The following TMEM51 variants were observed in gnomAD, a reference collection of about 807,000 sequenced individuals.
The protein encoded by TMEM51 is transmembrane protein 51, also known as chromosome 1 open reading frame 72.
TMEM51 carries 8 observed loss-of-function variants against 13.6 expected under a neutral mutation model. The observed-to-expected ratio is 0.59, with a 90% confidence interval of 0.35 to 1.07. TMEM51 has a LOEUF of 1.07. Ranked by LOEUF, TMEM51 falls within the 50% of genes least tolerant of loss-of-function variation. The pLI is 0.02. For synonymous variants in TMEM51, 147 were observed against 144.4 expected (o/e 1.02, Z -0.13); for missense variants, 279 against 330.7 (o/e 0.84, Z 1.21).
intron 1 of TMEM51, among the ~76,000 whole-genome samples, chr1:15,193,890 G>C (rs1643991554): frequency 6.6e-6 from 1 of 152,154 alleles, no homozygotes; most frequent in Non-Finnish European, 1.5e-5. Flanking sequence ...GGAGGTGAAG[G>C]GCATTGCCAG....
chr1:15,154,938 G>C (rs964785653), intron 1 of TMEM51, among the ~76,000 whole-genome samples: 5 of 152,178 alleles, frequency 3.3e-5, no homozygotes, highest in Non-Finnish European at 7.3e-5. Context: ...CGGGAGGTAA[G>C]TCAGCGGGTG....
intron 1 of TMEM51, among the ~76,000 whole-genome samples, chr1:15,201,059 G>A (rs1455727273): frequency 3.3e-5 from 5 of 152,180 alleles, no homozygotes; most frequent in African/African-American, 4.8e-5. Flanking sequence ...GTTTGACTGG[G>A]CACAATTCCT....
intron 1 of TMEM51, among the ~76,000 whole-genome samples, chr1:15,195,380 GA>G (rs926121019): frequency 1.2e-4 from 19 of 152,206 alleles, no homozygotes; most frequent in South Asian, 6.2e-4. Flanking sequence ...ATGTTAGTGA[GA>G]TTTTCTTTTT....
chr1:15,218,856 C>A (rs1424226050), intron 3 of TMEM51, among the ~76,000 whole-genome samples: 1 of 152,134 alleles, frequency 6.6e-6, no homozygotes, highest in Non-Finnish European at 1.5e-5. Flanking sequence ...TTAACCCACC[C>A]CTTAATTTGC....
At chr1:15,173,874 G>T (rs1376842751) in intron 1 of TMEM51, among the ~76,000 whole-genome samples, 2 of 152,156 alleles carry the variant, frequency 1.3e-5, no homozygotes, top group African/African-American at 4.8e-5. Context: ...CTTAGGTTGT[G>T]GTCTGCATGA....
rs1644490272 is a variant in TMEM51 at position 15,219,867 on chromosome 1, G to A, written c.*124G>A. 1 of 1,104,678 alleles carries A rather than the reference G, an allele frequency of 9.1e-7. No individual in the cohort carries two copies. Among genetic ancestry groups the A allele is most frequent in the Non-Finnish European group, 1.3e-6 (1 of 788,430 alleles). 68.4% of individuals were successfully genotyped at this position (1,104,678 alleles called of 1,614,324 possible). ...CAGCTGTGCATGGAGCCATTTGGAT[G>A]GCGGCGGGCGGGGGGGGATTCTCTG... On this transcript the variant is annotated 3_prime_UTR_variant, in exon 4 of 4. Transcript: ENST00000376008.
chr1:15,156,025 G>C (rs565620279), intron 1 of TMEM51, among the ~76,000 whole-genome samples: 1 of 152,268 alleles, frequency 6.6e-6, no homozygotes, highest in African/African-American at 2.4e-5. Context: ...GGGGGAGCTG[G>C]AGGAGAGGCC....
chr1:15,173,251 G>A (rs148468985), intron 1 of TMEM51, among the ~76,000 whole-genome samples: 7 of 117,228 alleles, frequency 6.0e-5, no homozygotes, highest in South Asian at 2.6e-4. Flanking sequence ...ACGGAGTTTC[G>A]CTCTTTTGCC....
intron 1 of TMEM51, among the ~76,000 whole-genome samples, chr1:15,197,134 C>T (rs762128024): frequency 2.6e-5 from 4 of 152,218 alleles, no homozygotes; most frequent in Non-Finnish European, 4.4e-5. Flanking sequence ...TCTTTCTCAG[C>T]AATTCCAGGG....
At chr1:15,218,904 G>A (rs185437699) in intron 3 of TMEM51, among the ~76,000 whole-genome samples, 1 of 152,134 alleles carries the variant, frequency 6.6e-6, no homozygotes, top group Non-Finnish European at 1.5e-5. Flanking sequence ...ATTTCCAAGA[G>A]CCCCTATGTG....
At chr1:15,164,316 T>G (rs1422261960) in intron 1 of TMEM51, 1 of 456,034 alleles carries the variant, frequency 2.2e-6, no homozygotes, top group Admixed American at 2.3e-5. Flanking sequence ...TTCTGAACTG[T>G]GACACTTTCT....
At chr1:15,178,268 T>C (rs1038405213) in intron 1 of TMEM51, among the ~76,000 whole-genome samples, 7 of 151,704 alleles carry the variant, frequency 4.6e-5, no homozygotes, top group Non-Finnish European at 8.8e-5. Flanking sequence ...CGGTTGCCCA[T>C]GGTGGCTCTT....
chr1:15,154,898 G>C (rs1642535548), intron 1 of TMEM51, among the ~76,000 whole-genome samples: 1 of 152,086 alleles, frequency 6.6e-6, no homozygotes, highest in African/African-American at 2.4e-5. Flanking sequence ...GGGTGGGCGG[G>C]GACGAGGTGG....
intron 1 of TMEM51, among the ~76,000 whole-genome samples, chr1:15,209,903 C>T (rs981945347): frequency 8.6e-5 from 13 of 151,940 alleles, no homozygotes; most frequent in African/African-American, 1.9e-4. Context: ...TGGGGGTGTG[C>T]GCCTGTAGTC....
chr1:15,157,395 A>T (rs1033377334), intron 1 of TMEM51, among the ~76,000 whole-genome samples: 4 of 152,214 alleles, frequency 2.6e-5, no homozygotes, highest in Admixed American at 2.0e-4. Flanking sequence ...GATCTTAGCC[A>T]TCAGAAAATC....
chr1:15,161,171 A>T lies in TMEM51; in HGVS notation c.-267+7217A>T, dbSNP rs1479090333. On this transcript the variant is annotated intron_variant, in intron 1 of 3. Coordinates refer to ENST00000376008, the MANE Select transcript of TMEM51 (RefSeq NM_001136218.2). This position sits in a 1 kb window ranked among gnomAD's most constrained non-coding sequence, Gnocchi z 4.0. ...ACGCTGCACTCAGGGCAGATGCTGA[A>T]GGCAGAGGTGGAAAAAGTATTTTAT... is the stretch of plus-strand genomic sequence containing the variant. Among the ~76,000 whole-genome samples the T allele has an allele frequency of 2.6e-5, 4 of 152,082 alleles. No individual in the cohort carries two copies. The highest frequency in any genetic ancestry group is 1.3e-4 in the Admixed American group (2 of 15,274).
At chr1:15,158,826 T>C (rs76401843) in intron 1 of TMEM51, among the ~76,000 whole-genome samples, 2,357 of 152,254 alleles carry the variant, frequency 0.015, 77 homozygotes, top group African/African-American at 0.053. Flanking sequence ...TACTAGTGGA[T>C]TTGAGCATCG....
chr1:15,165,805 C>A (rs1262900041), intron 1 of TMEM51, among the ~76,000 whole-genome samples: 3 of 152,094 alleles, frequency 2.0e-5, no homozygotes, highest in Non-Finnish European at 4.4e-5. Context: ...TTGATGAATA[C>A]TGATGATACG....
At chr1:15,154,465 A>G (rs1227310171) in intron 1 of TMEM51, among the ~76,000 whole-genome samples, 1 of 152,174 alleles carries the variant, frequency 6.6e-6, no homozygotes, top group Non-Finnish European at 1.5e-5. Flanking sequence ...AGAATCGGGC[A>G]TGAGCAAAGT....
Sources: gnomAD v4.1 joint callset for allele counts (sites outside exome capture counted in the v4.1 genomes callset) on GRCh38, gnomAD v4.1.1 for gene constraint, Gnocchi (gnomAD v3.1) non-coding constraint, MANE v1.5 for transcripts, NCBI Gene and HGNC (gene_info 2026-07-23, HGNC 2026-07-21) for gene names.